Variants in BOK observed in about 807,000 individuals in gnomAD.
BOK encodes BCL2 family apoptosis regulator BOK.
BOK carries 20 observed loss-of-function variants against 18.3 expected under a neutral mutation model. The ratio of observed to expected loss-of-function variants is 1.09; its 90% CI spans 0.77 to 1.59. The LOEUF is 1.59. BOK is among the 40% of genes most tolerant of loss of function. BOK has a pLI of 0.00. For missense variants in BOK, 348 were observed against 307.9 expected (o/e 1.13, Z -0.97); for synonymous variants, 173 against 142.4 (o/e 1.21, Z -1.53).
rs757085403 is a variant in BOK, at chr2:241,562,369, G to C, written c.242G>C (p.Arg81Pro). 3.1e-6 allele frequency: 5 copies of C among 1,609,024 alleles called. No individual in the cohort carries two copies. The highest frequency in any genetic ancestry group is 1.7e-4 in the Middle Eastern group (1 of 6,040). ...ACAGGCGATGAGCTGGAGATGATCC[G>C]GCCCAGCGTCTACCGCAACGTGGCG... is the stretch of plus-strand genomic sequence containing the variant. ...LRLGDELEMIRPSVYRNVARQ... is the reference protein window; with the variant it reads ...LRLGDELEMIPPSVYRNVARQ... Residue 81 changes from arginine to proline, a missense_variant, in exon 3 of 5, where the codon CGG becomes CCG. Physicochemically the swap from Arg to Pro is moderately radical, Grantham distance 103. Coordinates refer to ENST00000318407, the MANE Select transcript of BOK (RefSeq NM_032515.5). This position sits in a 1 kb window ranked among gnomAD's most constrained non-coding sequence, Gnocchi z 4.5.
At chr2:241,569,973 C>T (rs976228200) in intron 3 of BOK, 152 bp from the exon 4 acceptor site, 7 of 934,960 alleles carry the variant, frequency 7.5e-6, no homozygotes, top group Non-Finnish European at 1.1e-5. Context: ...ACCTGACAGG[C>T]ATCCTGTCAG....
chr2:241,569,985 G>A (rs2066681486), intron 3 of BOK, 140 bp from the exon 4 acceptor site: 1 of 1,078,554 alleles, frequency 9.3e-7, no homozygotes, highest in Non-Finnish European at 1.3e-6. Flanking sequence ...TCCTGTCAGG[G>A]AGCGGTCCCC....
chr2:241,561,890 C>T (rs1038858188), intron 2 of BOK, among the ~76,000 whole-genome samples: 1 of 152,152 alleles, frequency 6.6e-6, no homozygotes, highest in Admixed American at 6.5e-5. Context: ...TTTCTCTGCC[C>T]AGCCCCTCCC....
chr2:241,571,590 C>G (rs971340284), intron 4 of BOK, among the ~76,000 whole-genome samples: 6 of 152,276 alleles, frequency 3.9e-5, no homozygotes, highest in Non-Finnish European at 5.9e-5. Context: ...ACAGAAACCC[C>G]AAGACTTCCG....
Position 241,572,293 on chromosome 2 carries a change from C to A in BOK, c.514-4C>A, listed in dbSNP as rs371502755. 120 of 1,610,900 alleles carry A rather than the reference C, an allele frequency of 7.4e-5. No individual in the cohort carries two copies. The highest frequency in any genetic ancestry group is 9.0e-5 in the Non-Finnish European group (106 of 1,179,554). On this transcript the variant is annotated splice_region_variant and splice_polypyrimidine_tract_variant and intron_variant, in intron 4 of 4. Coordinates refer to ENST00000318407, the MANE Select transcript of BOK (RefSeq NM_032515.5). The stretch of plus-strand genomic sequence containing the variant: ...TTTCTAACGGTCTCCCTCTTCCCTC[C>A]CAGACTGATGTCCTCAAGTGTGTGG...
In BOK at chr2:241,572,567, C is replaced by A; in HGVS notation, c.*145C>A. 2 of 1,283,394 alleles carry A rather than the reference C, an allele frequency of 1.6e-6. No individual in the cohort carries two copies. The highest frequency in any genetic ancestry group is 2.1e-6 in the Non-Finnish European group (2 of 949,490). 79.5% of individuals were successfully genotyped at this position (1,283,394 alleles called of 1,614,324 possible). A position where few individuals can be genotyped will look rare whatever the true frequency, so the allele number is the denominator to read the frequency against. ...CCCCTAAGCCCCGTTCCTCCGCAGA[C>A]CCAGGCCCTCCGGAAGGGGTGAGTG... On this transcript the variant is annotated 3_prime_UTR_variant, in exon 5 of 5. Transcript: ENST00000318407.
In BOK at chr2:241,572,631, C is replaced by A; in HGVS notation, c.*209C>A. 1.5e-6 allele frequency: 1 copy of A among 681,332 alleles called. No homozygotes were observed. Among genetic ancestry groups the A allele is most frequent in the Non-Finnish European group, 2.4e-6 (1 of 412,704 alleles). 42.2% of individuals were successfully genotyped at this position (681,332 alleles called of 1,614,324 possible). ...CTGAGCCTGGAGCTGGGCTTTGGGG[C>A]AGCCTGCGACCCTCCCCGCTTGTGT... On this transcript the variant is annotated 3_prime_UTR_variant, in exon 5 of 5. Transcript: ENST00000318407.
intron 3 of BOK, among the ~76,000 whole-genome samples, chr2:241,564,768 A>ACGCCGG (rs1440342978): frequency 2.6e-5 from 4 of 151,748 alleles, no homozygotes; most frequent in Non-Finnish European, 5.9e-5. Flanking sequence ...CCCTTGGCCG[A>ACGCCGG]CGCCGGCGCG....
chr2:241,558,127 G>GA (rs36085020), upstream of BOK, among the ~76,000 whole-genome samples: 2 of 149,810 alleles, frequency 1.3e-5, no homozygotes, highest in East Asian at 2.0e-4. Context: ...CAATTCGGTG[G>GA]AAAAAAAATG....
intron 2 of BOK, among the ~76,000 whole-genome samples, chr2:241,561,844 G>A (rs973942887): frequency 6.6e-6 from 1 of 152,220 alleles, no homozygotes; most frequent in South Asian, 2.1e-4. Context: ...GGCCTGAGCC[G>A]GGCTCTCGGG....
chr2:241,565,095 C>T (rs909647097), intron 3 of BOK, among the ~76,000 whole-genome samples: 2 of 152,124 alleles, frequency 1.3e-5, no homozygotes, highest in Non-Finnish European at 2.9e-5. Context: ...GTGGGCGGCA[C>T]CGGCCAGGTG....
intron 3 of BOK, among the ~76,000 whole-genome samples, chr2:241,568,143 T>A (rs1358995185): frequency 6.6e-6 from 1 of 152,140 alleles, no homozygotes; most frequent in African/African-American, 2.4e-5. Flanking sequence ...ATTATTTATT[T>A]ATTTTTTCAC....
chr2:241,567,230 G>A (rs1024616194), intron 3 of BOK, among the ~76,000 whole-genome samples: 1 of 131,714 alleles, frequency 7.6e-6, no homozygotes, highest in African/African-American at 3.0e-5. Flanking sequence ...GGGTTCAAGC[G>A]ATTCTCCTGC....
rs751916802 is a variant in BOK, at chr2:241,566,725, C to T, written c.350-3400C>T. 1.5e-5 allele frequency among the ~76,000 whole-genome samples: 2 copies of T among 136,570 alleles called. 1 individual carries two copies. The highest frequency in any genetic ancestry group is 3.2e-5 in the Non-Finnish European group (2 of 63,374). The allele number at this position is 136,570 out of a possible 152,430, so 89.6% of individuals were successfully genotyped here. On this transcript the variant is annotated intron_variant, in intron 3 of 4. Transcript: ENST00000318407. ...GCAGACTCCAGCCCTTTTCCTGCCA[C>T]CTCAACCTGTGAAATACGCCAGACA... is the stretch of plus-strand genomic sequence containing the variant.
Position 241,570,178 on chromosome 2 carries a change from G to A in BOK, c.403G>A (p.Val135Met), listed in dbSNP as rs371649114. Residue 135 changes from valine to methionine, a missense_variant, in exon 4 of 5, where the codon GTG becomes ATG. Transcript: ENST00000318407. The stretch of plus-strand genomic sequence containing the variant: ...GTATGCGGTGGCCGCGGGGCTGGCC[G>A]TGGACTGTGTGAGGCAGGCCCAGCC... ...SLYAVAAGLA[V>M]DCVRQAQPAM... The A allele has an allele frequency of 6.4e-5, 103 of 1,610,112 alleles. No homozygotes were observed. Among genetic ancestry groups the A allele is most frequent in the East Asian group, 1.1e-4 (5 of 44,806 alleles).
chr2:241,560,798 C>T (rs1256645939), intron 2 of BOK, among the ~76,000 whole-genome samples: 1 of 152,132 alleles, frequency 6.6e-6, no homozygotes, highest in Non-Finnish European at 1.5e-5. Flanking sequence ...TTTTAGTGGC[C>T]TTCTGAAAAG....
In BOK at chr2:241,566,883, G is replaced by T. The variant is rs2066625313; in HGVS notation, c.350-3242G>T. 4.5e-5 allele frequency among the ~76,000 whole-genome samples: 6 copies of T among 134,772 alleles called. 2 individuals are homozygous for T. The Admixed American group carries it at 4.5e-4, about 10-fold the overall frequency. The allele number at this position is 134,772 out of a possible 152,430, so 88.4% of individuals were successfully genotyped here. On this transcript the variant is annotated intron_variant, in intron 3 of 4. Coordinates refer to ENST00000318407, the MANE Select transcript of BOK (RefSeq NM_032515.5). ...GGGAGTGACTGCTAGTGGGCATGGG[G>T]TTTCTCGTGGGATGATGAAAATGTT...
chr2:241,559,970 C>T (rs766403582), intron 2 of BOK: 6 of 720,082 alleles, frequency 8.3e-6, no homozygotes, highest in Middle Eastern at 6.9e-4. Context: ...AAAGAATAAT[C>T]TATTAGTGGG....
chr2:241,553,961 A>C (rs959377416), upstream of BOK, among the ~76,000 whole-genome samples: 1 of 152,210 alleles, frequency 6.6e-6, no homozygotes, highest in Non-Finnish European at 1.5e-5. Context: ...AGAGTCTCAG[A>C]TCTGCCTCAG....
Sources: gnomAD v4.1 joint callset for allele counts (sites outside exome capture counted in the v4.1 genomes callset) on GRCh38, gnomAD v4.1.1 for gene constraint, Gnocchi (gnomAD v3.1) non-coding constraint, MANE v1.5 for transcripts, NCBI Gene and HGNC (gene_info 2026-07-23, HGNC 2026-07-21) for gene names.